Variants in COG5 observed in about 807,000 individuals in gnomAD.
COG5 encodes the protein component of oligomeric golgi complex 5.
In COG5, 86 loss-of-function variants were observed where a neutral mutation model predicts 110.4. The ratio of observed to expected loss-of-function variants is 0.78; its 90% CI spans 0.65 to 0.93. The LOEUF (loss-of-function observed/expected upper bound fraction) is 0.93. Ranked by LOEUF, COG5 falls within the 40% of genes least tolerant of loss-of-function variation. The probability of loss-of-function intolerance (pLI) is 0.00; values close to 1 mark genes in which losing one functional copy is unlikely to be tolerated. For synonymous variants in COG5, 360 were observed against 334.6 expected, an observed-to-expected ratio of 1.08 and a Z score of -0.83; for missense variants, 1,077 against 987.0, an observed-to-expected ratio of 1.09 and a Z score of -1.22.
chr7:107,403,785 A>G (rs2129061949), intron 7 of COG5, among the ~76,000 whole-genome samples: 1 of 152,246 alleles, frequency 6.6e-6, no homozygotes, highest in South Asian at 2.1e-4. Context: ...TCCAAATAAC[A>G]TAATTTTGGC....
intron 12 of COG5, among the ~76,000 whole-genome samples, chr7:107,296,784 T>C (rs918819576): frequency 1.3e-5 from 2 of 152,118 alleles, no homozygotes; most frequent in East Asian, 3.9e-4. Context: ...TTCAACTATA[T>C]GTATTTAGGA....
intron 17 of COG5, among the ~76,000 whole-genome samples, chr7:107,246,098 A>G (rs1267196272): frequency 6.6e-6 from 1 of 152,218 alleles, no homozygotes; most frequent in Non-Finnish European, 1.5e-5. Context: ...AATGCTGACA[A>G]AAGCAAGCAG....
intron 14 of COG5, among the ~76,000 whole-genome samples, chr7:107,270,452 G>C (rs894951562): frequency 3.3e-5 from 5 of 151,980 alleles, no homozygotes; most frequent in Non-Finnish European, 5.9e-5. Context: ...AGTAGAGATG[G>C]GGTTTCGCAT....
intron 11 of COG5, among the ~76,000 whole-genome samples, chr7:107,299,077 G>A (rs1173716336): frequency 1.3e-5 from 2 of 152,002 alleles, no homozygotes; most frequent in African/African-American, 4.8e-5. Flanking sequence ...CATTTGAAAA[G>A]AAGAAAAGTT....
intron 19 of COG5, among the ~76,000 whole-genome samples, chr7:107,229,845 GTTTTTT>G (rs869077755): frequency 2.5e-5 from 3 of 122,102 alleles, no homozygotes; most frequent in Non-Finnish European, 5.3e-5. Context: ...TTTGGTTTTT[GTTTTTT>G]TTTTTTGTTT....
chr7:107,410,122 G>T (rs538208724), intron 7 of COG5, among the ~76,000 whole-genome samples: 102 of 152,300 alleles, frequency 6.7e-4, no homozygotes, highest in Non-Finnish European at 1.1e-3. Context: ...TGCTGTGCAG[G>T]AGTAGTAGAA....
chr7:107,378,947 G>A (rs552548785), intron 7 of COG5, among the ~76,000 whole-genome samples: 32 of 152,188 alleles, frequency 2.1e-4, no homozygotes, highest in Admixed American at 2.1e-3. Context: ...TCCTCAAGAG[G>A]AGCACCCAAG....
chr7:107,211,957 T>C (rs2116212142), intron 19 of COG5, among the ~76,000 whole-genome samples: 1 of 152,328 alleles, frequency 6.6e-6, no homozygotes, highest in East Asian at 1.9e-4. Context: ...AGTAGTAAGA[T>C]GGCAGCAACA....
intron 16 of COG5, among the ~76,000 whole-genome samples, chr7:107,254,604 G>A (rs1333183114): frequency 6.6e-6 from 1 of 152,096 alleles, no homozygotes; most frequent in Non-Finnish European, 1.5e-5. Context: ...GCTACACACA[G>A]CACTGGTCCT....
At chr7:107,236,852 A>G (rs919579880) in intron 17 of COG5, among the ~76,000 whole-genome samples, 165 bp from the exon 18 acceptor site, 3 of 152,224 alleles carry the variant, frequency 2.0e-5, no homozygotes, top group Non-Finnish European at 4.4e-5. Flanking sequence ...GCAGAAAACA[A>G]TGTTTAAAAA....
chr7:107,444,546 T>C (rs1477735617), intron 6 of COG5, among the ~76,000 whole-genome samples: 3 of 152,192 alleles, frequency 2.0e-5, no homozygotes, highest in African/African-American at 7.2e-5. Context: ...ATGAAACTTG[T>C]TCTAATTCTT....
At chr7:107,461,344 AC>A (rs1012354622) in intron 6 of COG5, among the ~76,000 whole-genome samples, 1 of 152,134 alleles carries the variant, frequency 6.6e-6, no homozygotes, top group African/African-American at 2.4e-5. Context: ...AACCATATGA[AC>A]CCTCATTAAA....
At chr7:107,298,465 T>C (rs1806959522) in intron 11 of COG5, 119 bp from the exon 12 acceptor site, 1 of 647,328 alleles carries the variant, frequency 1.5e-6, no homozygotes, top group African/African-American at 1.8e-5. Context: ...AGACGTGTTC[T>C]AATGAGGCCT....
At chr7:107,394,089 G>A (rs1043138537) in intron 7 of COG5, among the ~76,000 whole-genome samples, 5 of 151,588 alleles carry the variant, frequency 3.3e-5, no homozygotes, top group African/African-American at 9.7e-5. Flanking sequence ...AGCCTCCCAC[G>A]TAGCTGGGAC....
chr7:107,503,195 C>G (rs1798746307), intron 6 of COG5, among the ~76,000 whole-genome samples: 1 of 152,026 alleles, frequency 6.6e-6, no homozygotes, highest in Non-Finnish European at 1.5e-5. Flanking sequence ...GAGAGGGATA[C>G]AGTTTCATTC....
At chr7:107,256,165 A>G (rs993422893) in intron 16 of COG5, among the ~76,000 whole-genome samples, 1 of 152,184 alleles carries the variant, frequency 6.6e-6, no homozygotes, top group African/African-American at 2.4e-5. Context: ...TTATGTTTGT[A>G]TAGAAAAAAT....
At chr7:107,512,730 A>G (rs1234915293) in intron 6 of COG5, among the ~76,000 whole-genome samples, 3 of 152,220 alleles carry the variant, frequency 2.0e-5, no homozygotes, top group African/African-American at 7.2e-5. Context: ...CAGAGCCCTC[A>G]GAAATAATGC....
intron 6 of COG5, among the ~76,000 whole-genome samples, chr7:107,446,237 A>G (rs1349988843): frequency 2.6e-5 from 4 of 152,204 alleles, no homozygotes; most frequent in African/African-American, 9.6e-5. Flanking sequence ...CCTTTAAGAA[A>G]CACCTTATTT....
chr7:107,276,978 A>G (rs996560135), intron 14 of COG5, among the ~76,000 whole-genome samples: 3 of 152,216 alleles, frequency 2.0e-5, no homozygotes, highest in African/African-American at 7.2e-5. Context: ...TTAAACACAT[A>G]TTGCAGGAAC....
Sources: gnomAD v4.1 joint callset for allele counts (sites outside exome capture counted in the v4.1 genomes callset) on GRCh38, gnomAD v4.1.1 for gene constraint, MANE v1.5 for transcripts, NCBI Gene and HGNC (gene_info 2026-07-23, HGNC 2026-07-21) for gene names.